ABCA9: variants seen among roughly 807,000 people sequenced by gnomAD.
ABCA9 encodes the protein ATP-binding cassette sub-family A member 9.
ABCA9 carries 183 observed loss-of-function variants against 205.3 expected under a neutral mutation model. The ratio of observed to expected loss-of-function variants is 0.89; its 90% confidence interval spans 0.79 to 1.01. The LOEUF (loss-of-function observed/expected upper bound fraction) is 1.01. ABCA9 is among the 50% of genes least tolerant of loss of function. The pLI, the probability that ABCA9 is intolerant of heterozygous loss-of-function variation, is 0.00. For synonymous variants in ABCA9, 651 were observed against 683.3 expected (o/e 0.95, Z 0.74); for missense variants, 1,805 against 1,912.4 (o/e 0.94, Z 1.05).
chr17:69,041,576 C>T (rs184942365), intron 6 of ABCA9, among the ~76,000 whole-genome samples: 18 of 152,066 alleles, frequency 1.2e-4, no homozygotes, highest in African/African-American at 3.6e-4. Context: ...TGGTGGCACT[C>T]GCCTGTAGTC....
At chr17:69,063,617 TTG>T (rs1432356189), upstream of ABCA9, among the ~76,000 whole-genome samples, 9 of 151,542 alleles carry the variant, frequency 5.9e-5, no homozygotes, top group Admixed American at 5.3e-4. Flanking sequence ...TTGTTTTTTT[TTG>T]TGTGTGTGTG....
At chr17:68,989,242 C>CCTCTCTCTCT (rs569197969) in intron 30 of ABCA9, 124 bp from the exon 31 acceptor site, 2 of 335,390 alleles carry the variant, frequency 6.0e-6, no homozygotes, top group Non-Finnish European at 5.8e-6. Flanking sequence ...TTCCCTTATT[C>CCTCTCTCTCT]CTCTCTCTCT....
chr17:69,055,858 A>C (rs2072054441), intron 1 of ABCA9, among the ~76,000 whole-genome samples: 2 of 152,196 alleles, frequency 1.3e-5, no homozygotes, highest in African/African-American at 4.8e-5. Context: ...CAGTAATAGA[A>C]AGATAACTGG....
rs2072219914 is a variant in ABCA9 at position 69,060,790 on chromosome 17, C to T, written c.-14+76G>A. On this transcript the variant is annotated intron_variant, in intron 1 of 38. Coordinates refer to ENST00000340001, the MANE Select transcript of ABCA9 (RefSeq NM_080283.4). The stretch of plus-strand genomic sequence containing the variant: ...CTGCTTTTAATGGTTTCTACCTAAA[C>T]GTCTGGCATGCCTATTTATAGTCTT... 6 of 907,952 alleles carry T rather than the reference C, an allele frequency of 6.6e-6. No homozygotes were observed. The South Asian group carries it at 2.0e-4, about 31-fold the overall frequency. 56.2% of individuals were successfully genotyped at this position (907,952 alleles called of 1,614,324 possible). A position where few individuals can be genotyped will look rare whatever the true frequency, so the allele number is the denominator to read the frequency against.
In ABCA9 at chr17:69,023,037, A is replaced by G. The variant is rs1245994698; in HGVS notation, c.2282-1176T>C. On this transcript the variant is annotated intron_variant, in intron 17 of 38. Transcript: ENST00000340001. This position sits in a 1 kb window ranked among gnomAD's most constrained non-coding sequence, Gnocchi z 4.2. The stretch of plus-strand genomic sequence containing the variant: ...AAGATTTCTGTTTTTATAAGGATAC[A>G]TATCTCAAAGATATTGTGTATGCAC... Among the ~76,000 whole-genome samples, 1 of 152,216 alleles carries G rather than the reference A, an allele frequency of 6.6e-6. No homozygotes were observed. The highest frequency in any genetic ancestry group is 1.5e-5 in the Non-Finnish European group (1 of 68,020).
chr17:68,987,770 T>G lies in ABCA9; in HGVS notation c.4047+1257A>C, dbSNP rs145539118. ...TGTTTGTTTGTTTGTTTGTTTGTTT[T>G]TTTGTTTGAGATGGAGTTTCTCTAT... On this transcript the variant is annotated intron_variant, in intron 31 of 38. Transcript: ENST00000340001. Among the ~76,000 whole-genome samples the G allele has an allele frequency of 2.1e-3, 282 of 136,766 alleles. 4 individuals carry two copies. The highest frequency in any genetic ancestry group is 6.5e-3 in the African/African-American group (260 of 39,742). The allele number at this position is 136,766 out of a possible 152,430, so 89.7% of individuals were successfully genotyped here. A position where few individuals can be genotyped will look rare whatever the true frequency, so the allele number is the denominator to read the frequency against.
At position 68,985,052 on chromosome 17, in the gene ABCA9, C is replaced by G. The variant is rs754240514; in HGVS notation, c.4284+1G>C. The G allele has an allele frequency of 6.2e-7, 1 of 1,614,216 alleles. No homozygotes were observed. The highest frequency in any genetic ancestry group is 8.5e-7 in the Non-Finnish European group (1 of 1,180,048). On this transcript the variant is annotated splice_donor_variant, in intron 33 of 38. Transcript: ENST00000340001. LOFTEE classifies it high-confidence loss of function. ...AGAGCAACAACAAGCCCTGCCCGTACCTTTCGCTTTATTCCCTCTGACAAG... is the reference window on the plus strand; with the variant it reads ...AGAGCAACAACAAGCCCTGCCCGTAGCTTTCGCTTTATTCCCTCTGACAAG...
At chr17:68,995,629 A>AGGAGG (rs2069592345) in intron 26 of ABCA9, among the ~76,000 whole-genome samples, 1 of 152,208 alleles carries the variant, frequency 6.6e-6, no homozygotes. Flanking sequence ...TTGGCCTCCC[A>AGGAGG]GTAGGGTTCC....
chr17:69,043,696 A>T lies in ABCA9; in HGVS notation c.593T>A (p.Val198Glu). 6.2e-7 allele frequency: 1 copy of T among 1,602,660 alleles called. No individual in the cohort carries two copies. Among genetic ancestry groups the T allele is most frequent in the African/African-American group, 1.3e-5 (1 of 74,314 alleles). The change falls in exon 6 of 39, where the codon GTG becomes GAG. Residue 198 changes from valine to glutamate, a missense_variant. By Grantham distance (121) the Val-to-Glu change is moderately radical. Coordinates refer to ENST00000340001, the MANE Select transcript of ABCA9 (RefSeq NM_080283.4). The part of the protein sequence containing the change: ...AIIEIATNHS[V>E]MEQLMSVTGV... ...AGTAACTGACATCAGCTGTTCCATC[A>T]CTGAATGATTTGTTGCGATCTGAAG... is the stretch of plus-strand genomic sequence containing the variant.
At chr17:69,029,436 T>G (rs2071092160) in intron 10 of ABCA9, among the ~76,000 whole-genome samples, 1 of 152,126 alleles carries the variant, frequency 6.6e-6, no homozygotes, top group African/African-American at 2.4e-5. Flanking sequence ...TCCCTGATCT[T>G]TCCAAAATGA....
In ABCA9 at chr17:69,028,807, G is replaced by A. The variant is rs140003351; in HGVS notation, c.1505-162C>T. Among the ~76,000 whole-genome samples the A allele has an allele frequency of 7.0e-3, 1,069 of 152,242 alleles. 14 individuals carry two copies. The highest frequency in any genetic ancestry group is 0.024 in the African/African-American group (986 of 41,536). On this transcript the variant is annotated intron_variant, in intron 11 of 38. Transcript: ENST00000340001. ...TTTTAAAACTGTATTTCAACATTTT[G>A]TAGTGATAGTATTGTCAATATGTTA... is the stretch of plus-strand genomic sequence containing the variant.
chr17:69,066,592 T>C, the ABCA9 span, among the ~76,000 whole-genome samples: 17 of 151,148 alleles, frequency 1.1e-4, no homozygotes, highest in Admixed American at 1.1e-3. Context: ...AAGACGGTAT[T>C]GGATCAGATG....
the ABCA9 span, among the ~76,000 whole-genome samples, chr17:69,069,637 G>C: frequency 6.6e-6 from 1 of 151,562 alleles, no homozygotes; most frequent in African/African-American, 2.4e-5. Flanking sequence ...GAAATAGAGA[G>C]TAAAGCCTGC....
chr17:69,073,846 A>G, the ABCA9 span, among the ~76,000 whole-genome samples: 3 of 151,848 alleles, frequency 2.0e-5, no homozygotes, highest in African/African-American at 7.3e-5. Context: ...ACAAGCACAT[A>G]CCACCCGGCT....
At chr17:69,032,322 A>T in intron 9 of ABCA9, 46 bp from the exon 10 acceptor site, 1 of 1,571,318 alleles carries the variant, frequency 6.4e-7, no homozygotes. Context: ...TCATCGCTTC[A>T]AGGATTCCAT....
intron 28 of ABCA9, 122 bp downstream of exon 28, chr17:68,992,053 A>G: frequency 3.3e-6 from 2 of 599,410 alleles, no homozygotes; most frequent in Non-Finnish European, 5.7e-6. Flanking sequence ...AGAATTTTGT[A>G]TATCACAGTC....
intron 23 of ABCA9, among the ~76,000 whole-genome samples, chr17:69,008,528 CTA>C (rs1190278860): frequency 6.6e-6 from 1 of 152,214 alleles, no homozygotes; most frequent in Admixed American, 6.5e-5. Context: ...CTTTGCAAGA[CTA>C]TTCTTTCCTT....
chr17:68,994,285 A>G (rs2069547869), intron 26 of ABCA9, among the ~76,000 whole-genome samples: 1 of 151,944 alleles, frequency 6.6e-6, no homozygotes, highest in Admixed American at 6.6e-5. Flanking sequence ...GTCCATAATC[A>G]CCCTCATGTC....
At chr17:69,036,383 A>G (rs180961396) in intron 6 of ABCA9, among the ~76,000 whole-genome samples, 3 of 152,068 alleles carry the variant, frequency 2.0e-5, no homozygotes, top group African/African-American at 7.2e-5. Context: ...TGTTCATTGA[A>G]TTTTTTTCCC....
Sources: allele counts gnomAD v4.1 joint callset (sites outside exome capture counted in the v4.1 genomes callset), GRCh38; gene constraint gnomAD v4.1.1; non-coding constraint Gnocchi (gnomAD v3.1); transcripts MANE v1.5; gene names NCBI Gene and HGNC (gene_info 2026-07-23, HGNC 2026-07-21).